MIPEP: variants seen among roughly 807,000 people sequenced by gnomAD.
The protein encoded by MIPEP is mitochondrial intermediate peptidase.
A neutral mutation model predicts 90.3 loss-of-function variants in MIPEP; 79 were observed. The ratio of observed to expected loss-of-function variants is 0.87; its 90% CI spans 0.73 to 1.05. The LOEUF (loss-of-function observed/expected upper bound fraction) is 1.05, where lower values mean the gene tolerates loss of function less well. Among genes scored for constraint, MIPEP ranks in the 50% least tolerant of loss-of-function variants. MIPEP has a pLI of 0.00. For synonymous variants in MIPEP, 334 were observed against 315.8 expected (o/e 1.06, Z -0.61); for missense variants, 940 against 905.6 (o/e 1.04, Z -0.49).
In MIPEP at chr13:23,821,417, C is replaced by G. The variant is rs140691196; in HGVS notation, c.1654-11493G>C. On this transcript the variant is annotated intron_variant, in intron 14 of 18. Coordinates refer to ENST00000382172, the MANE Select transcript of MIPEP (RefSeq NM_005932.4). ...TTTTTTTGTCACTATAGAATCCCACCAAGTCCAAATGAGCCCTGGTTTGAA... is the reference window on the plus strand; with the variant it reads ...TTTTTTTGTCACTATAGAATCCCACGAAGTCCAAATGAGCCCTGGTTTGAA... Among the ~76,000 whole-genome samples, 859 of 152,112 alleles carry G rather than the reference C, an allele frequency of 5.6e-3. 8 individuals carry two copies. The highest frequency in any genetic ancestry group is 0.019 in the African/African-American group (805 of 41,476).
chr13:23,795,385 T>A (rs887158328), intron 16 of MIPEP, among the ~76,000 whole-genome samples: 4 of 152,124 alleles, frequency 2.6e-5, no homozygotes, highest in Non-Finnish European at 5.9e-5. Context: ...TCAACCAACA[T>A]CTGAACAAGT....
chr13:23,754,449 A>G lies in MIPEP; in HGVS notation c.2044+2096T>C, dbSNP rs1480722903. Among the ~76,000 whole-genome samples the G allele has an allele frequency of 4.6e-5, 7 of 152,346 alleles. No homozygotes were observed. In the South Asian group the frequency reaches 1.0e-3, roughly 23 times the overall value. ...TGTTCTATTGTTTGTGTTAACTAAA[A>G]TCTGAATACTTAATCATCTCTGGTT... On this transcript the variant is annotated intron_variant, in intron 18 of 18. Coordinates refer to ENST00000382172, the MANE Select transcript of MIPEP (RefSeq NM_005932.4).
intron 14 of MIPEP, among the ~76,000 whole-genome samples, chr13:23,834,300 G>A (rs181490621): frequency 0.015 from 2,259 of 152,288 alleles, 54 homozygotes; most frequent in African/African-American, 0.051. Context: ...TGCTCCAGCA[G>A]CAGAAGACCC....
chr13:23,741,562 C>T (rs932436278), intron 18 of MIPEP, among the ~76,000 whole-genome samples: 1 of 152,140 alleles, frequency 6.6e-6, no homozygotes, highest in Non-Finnish European at 1.5e-5. Context: ...AGCAAACTAA[C>T]ACAAGAACAG....
intron 16 of MIPEP, among the ~76,000 whole-genome samples, chr13:23,773,507 G>C (rs1952677206): frequency 6.6e-6 from 1 of 152,112 alleles, no homozygotes; most frequent in Non-Finnish European, 1.5e-5. Flanking sequence ...GGGCCATCTG[G>C]TAACTCTGTT....
chr13:23,778,373 A>G (rs1265721831), intron 16 of MIPEP, among the ~76,000 whole-genome samples: 1 of 152,216 alleles, frequency 6.6e-6, no homozygotes, highest in Non-Finnish European at 1.5e-5. Context: ...GCAAGACACC[A>G]AGATAAACTA....
chr13:23,837,449 G>A, intron 13 of MIPEP, 103 bp downstream of exon 13: 1 of 915,288 alleles, frequency 1.1e-6, no homozygotes, highest in Non-Finnish European at 1.7e-6. Flanking sequence ...ACAGGACACG[G>A]TAAAATGATC....
intron 14 of MIPEP, among the ~76,000 whole-genome samples, chr13:23,821,959 T>C (rs973190225): frequency 4.6e-5 from 7 of 152,124 alleles, no homozygotes; most frequent in Admixed American, 4.6e-4. Flanking sequence ...TCAGGATTCA[T>C]AAAGCATGGG....
Position 23,824,553 on chromosome 13 carries a change from G to A in MIPEP, c.1653+11687C>T, listed in dbSNP as rs551367860. 4.6e-4 allele frequency among the ~76,000 whole-genome samples: 70 copies of A among 152,338 alleles called. 2 individuals carry two copies. The South Asian group carries it at 0.013, about 29-fold the overall frequency. On this transcript the variant is annotated intron_variant, in intron 14 of 18. Transcript: ENST00000382172. ...GCGGCATAAAGCCAGGCACCAGGCT[G>A]CCAAGCAGCAGCTCTGATTTCCCAG...
At chr13:23,749,584 G>A (rs1360341268) in intron 18 of MIPEP, among the ~76,000 whole-genome samples, 2 of 152,120 alleles carry the variant, frequency 1.3e-5, no homozygotes, top group Non-Finnish European at 2.9e-5. Flanking sequence ...AGAGTCCTTC[G>A]CAGTCACTCA....
At chr13:23,831,383 C>CGGGGGGGCGGGGGGGGGGGGG (rs1555237516) in intron 14 of MIPEP, among the ~76,000 whole-genome samples, 2 of 40,848 alleles carry the variant, frequency 4.9e-5, no homozygotes, top group African/African-American at 1.7e-4. Flanking sequence ...TTCCCCATGG[C>CGGGGGGGCGGGGGGGGGGGGG]GGGGGGGGGA....
At chr13:23,747,306 T>C (rs1952393340) in intron 18 of MIPEP, among the ~76,000 whole-genome samples, 1 of 152,178 alleles carries the variant, frequency 6.6e-6, no homozygotes, top group African/African-American at 2.4e-5. Context: ...GAGTACTATC[T>C]GAAATCATTT....
At chr13:23,760,339 TAGA>T in intron 16 of MIPEP, 122 bp from the exon 17 acceptor site, 1 of 1,285,372 alleles carries the variant, frequency 7.8e-7, no homozygotes, top group Non-Finnish European at 1.1e-6. Flanking sequence ...CATTTTACCC[TAGA>T]AGGCTACGTC....
intron 16 of MIPEP, among the ~76,000 whole-genome samples, chr13:23,780,766 GA>G (rs1952772950): frequency 6.6e-6 from 1 of 152,216 alleles, no homozygotes; most frequent in Non-Finnish European, 1.5e-5. Flanking sequence ...TAAATGACCT[GA>G]TGGAGTTGAA....
intron 16 of MIPEP, among the ~76,000 whole-genome samples, chr13:23,802,577 G>T (rs1004823417): frequency 6.6e-6 from 1 of 152,124 alleles, no homozygotes; most frequent in African/African-American, 2.4e-5. Context: ...GAAGGCAGGG[G>T]GGGAAGTCAG....
At chr13:23,837,426 T>G (rs1869102988) in intron 13 of MIPEP, 126 bp downstream of exon 13, 12 of 713,432 alleles carry the variant, frequency 1.7e-5, no homozygotes, top group Non-Finnish European at 2.6e-5. Flanking sequence ...TGAGGCAATC[T>G]GAGATAAAGA....
At chr13:23,887,485 C>T (rs887458668) in intron 1 of MIPEP, among the ~76,000 whole-genome samples, 1 of 152,172 alleles carries the variant, frequency 6.6e-6, no homozygotes, top group Non-Finnish European at 1.5e-5. Context: ...AAAGACAGAA[C>T]TCGAACCCGC....
chr13:23,878,639 A>G (rs1871161457), intron 4 of MIPEP, among the ~76,000 whole-genome samples: 1 of 152,218 alleles, frequency 6.6e-6, no homozygotes, highest in South Asian at 2.1e-4. Context: ...TCACAATTGC[A>G]TTTGAGCAAA....
chr13:23,841,238 C>A (rs1250538652), intron 11 of MIPEP, 97 bp downstream of exon 11: 35 of 1,120,682 alleles, frequency 3.1e-5, no homozygotes, highest in Non-Finnish European at 4.4e-5. Flanking sequence ...CACACTCAGT[C>A]AGGGCAAAGT....
Sources: allele counts gnomAD v4.1 joint callset (sites outside exome capture counted in the v4.1 genomes callset), GRCh38; gene constraint gnomAD v4.1.1; transcripts MANE v1.5; gene names NCBI Gene and HGNC (gene_info 2026-07-23, HGNC 2026-07-21).